Variants in CSMD1 observed in about 807,000 individuals in gnomAD.
CSMD1 encodes CUB and Sushi multiple domains 1, also known as CUB and sushi domain-containing protein 1.
CSMD1 carries 213 observed loss-of-function variants against 417.5 expected under a neutral mutation model. The ratio of observed to expected loss-of-function variants is 0.51; its 90% confidence interval spans 0.46 to 0.57. The LOEUF (loss-of-function observed/expected upper bound fraction) is 0.57, where lower values mean the gene tolerates loss of function less well. CSMD1 is among the 20% of genes least tolerant of loss of function. The pLI, the probability that CSMD1 is intolerant of heterozygous loss-of-function variation, is 0.00. For synonymous variants in CSMD1, 2,862 were observed against 1,736.8 expected (o/e 1.65, Z -16.11); for missense variants, 6,923 against 4,529.7 (o/e 1.53, Z -15.17).
At chr8:4,268,054 A>C (rs560887059) in intron 3 of CSMD1, among the ~76,000 whole-genome samples, 51 of 152,234 alleles carry the variant, frequency 3.4e-4, no homozygotes, top group Non-Finnish European at 6.0e-4. Context: ...GTGTGTTCAC[A>C]ATTTCAAAAT....
At chr8:4,592,807 A>T (rs1800059028) in intron 2 of CSMD1, among the ~76,000 whole-genome samples, 1 of 152,192 alleles carries the variant, frequency 6.6e-6, no homozygotes, top group African/African-American at 2.4e-5. Flanking sequence ...CTACCAATAC[A>T]CGAAATATCC....
intron 1 of CSMD1, among the ~76,000 whole-genome samples, chr8:4,899,242 G>A (rs1263477434): frequency 3.3e-5 from 5 of 152,170 alleles, no homozygotes; most frequent in South Asian, 2.1e-4. Context: ...AGAAGTTTTG[G>A]TTGAAATTGT....
intron 8 of CSMD1, among the ~76,000 whole-genome samples, chr8:3,596,894 C>G (rs1180805536): frequency 1.3e-5 from 2 of 152,198 alleles, no homozygotes; most frequent in Admixed American, 6.5e-5. Flanking sequence ...GAAGTTGGCA[C>G]AATGCAAGCG....
At chr8:3,326,056 TC>T (rs1806509569) in intron 23 of CSMD1, among the ~76,000 whole-genome samples, 1 of 152,140 alleles carries the variant, frequency 6.6e-6, no homozygotes, top group African/African-American at 2.4e-5. Context: ...ACCCGGGTGA[TC>T]ACAGACCCTT....
chr8:4,257,555 A>T (rs57270843), intron 3 of CSMD1, among the ~76,000 whole-genome samples: 14,449 of 152,198 alleles, frequency 0.095, 1,010 homozygotes, highest in East Asian at 0.35. Context: ...TTACATTTTT[A>T]AAATAAGAAA....
At chr8:3,883,665 C>T (rs1416838249) in intron 5 of CSMD1, among the ~76,000 whole-genome samples, 1 of 151,996 alleles carries the variant, frequency 6.6e-6, no homozygotes, top group Admixed American at 6.6e-5. Context: ...TATTAATTTA[C>T]ACTAACTTCT....
chr8:4,826,552 A>T (rs1321893077), intron 1 of CSMD1, among the ~76,000 whole-genome samples: 1 of 152,152 alleles, frequency 6.6e-6, no homozygotes, highest in Admixed American at 6.5e-5. Context: ...TATAATGCGT[A>T]GTGACCAAGT....
chr8:3,498,191 T>C (rs1169977458), intron 10 of CSMD1, among the ~76,000 whole-genome samples: 2 of 152,194 alleles, frequency 1.3e-5, no homozygotes, highest in East Asian at 1.9e-4. Context: ...GCTTCTTGCT[T>C]ATATTTGACT....
chr8:4,886,528 G>A (rs1013873350), intron 1 of CSMD1, among the ~76,000 whole-genome samples: 1 of 151,912 alleles, frequency 6.6e-6, no homozygotes, highest in Non-Finnish European at 1.5e-5. Context: ...GAGTTGGAAA[G>A]TGTTTCCTTC....
At chr8:4,738,171 T>G in intron 1 of CSMD1, among the ~76,000 whole-genome samples, 1 of 152,334 alleles carries the variant, frequency 6.6e-6, no homozygotes, top group East Asian at 1.9e-4. Flanking sequence ...TTAGTTTATT[T>G]GGTTTGATAG....
At chr8:3,561,564 C>G (rs539512813) in intron 10 of CSMD1, among the ~76,000 whole-genome samples, 1 of 152,106 alleles carries the variant, frequency 6.6e-6, no homozygotes, top group Admixed American at 6.6e-5. Context: ...AAATGGGAAC[C>G]AAACAATGGG....
At chr8:4,078,425 C>T (rs1585265543) in intron 3 of CSMD1, among the ~76,000 whole-genome samples, 1 of 150,728 alleles carries the variant, frequency 6.6e-6, no homozygotes, top group Admixed American at 6.6e-5. Context: ...CGCCATTCTC[C>T]TGCCTCAGCC....
intron 21 of CSMD1, among the ~76,000 whole-genome samples, chr8:3,351,636 T>A (rs1026349957): frequency 6.7e-6 from 1 of 149,270 alleles, no homozygotes; most frequent in African/African-American, 2.4e-5. Context: ...AAGGAAAGTA[T>A]ACAAACTTGG....
At chr8:4,067,921 G>T (rs1232486614) in intron 3 of CSMD1, among the ~76,000 whole-genome samples, 1 of 151,912 alleles carries the variant, frequency 6.6e-6, no homozygotes, top group Non-Finnish European at 1.5e-5. Context: ...TACTAAAAAT[G>T]CAAAAATTAA....
At chr8:3,100,381 T>G (rs1408894796) in intron 46 of CSMD1, among the ~76,000 whole-genome samples, 12 of 152,238 alleles carry the variant, frequency 7.9e-5, no homozygotes, top group Admixed American at 7.8e-4. Context: ...TTTCTTGTGT[T>G]TCTTCTGCTC....
intron 3 of CSMD1, among the ~76,000 whole-genome samples, chr8:4,058,048 T>C (rs951536792): frequency 2.6e-5 from 4 of 152,014 alleles, no homozygotes; most frequent in Non-Finnish European, 4.4e-5. Flanking sequence ...AATTTTAAAG[T>C]AGTTTTTTCC....
chr8:4,603,689 A>AT (rs1327733067), intron 2 of CSMD1, among the ~76,000 whole-genome samples: 21 of 152,080 alleles, frequency 1.4e-4, no homozygotes, highest in South Asian at 8.3e-4. Flanking sequence ...AAAAACAGTG[A>AT]TTTTCTTTCA....
intron 1 of CSMD1, among the ~76,000 whole-genome samples, chr8:4,639,442 G>C (rs1473964736): frequency 6.6e-6 from 1 of 152,052 alleles, no homozygotes; most frequent in Non-Finnish European, 1.5e-5. Context: ...TAAGGGAATA[G>C]GATAACCCAC....
In CSMD1 at chr8:3,307,677, C is replaced by A; in HGVS notation, c.3950+18G>T. ...TATCTCTTTTCTCAAATCACTGAAA[C>A]CAAAATAAAACAAGTACCTAATGGT... On this transcript the variant is annotated intron_variant, in intron 25 of 69. Coordinates refer to ENST00000635120, the MANE Select transcript of CSMD1 (RefSeq NM_033225.6). The A allele has an allele frequency of 1.9e-6, 3 of 1,610,458 alleles. No individual in the cohort carries two copies. The South Asian group carries it at 3.3e-5, about 18-fold the overall frequency.
Sources: allele counts gnomAD v4.1 joint callset (sites outside exome capture counted in the v4.1 genomes callset), GRCh38; gene constraint gnomAD v4.1.1; transcripts MANE v1.5; gene names NCBI Gene and HGNC (gene_info 2026-07-23, HGNC 2026-07-21).